Variants in TENM2 observed in about 807,000 individuals in gnomAD.
TENM2 encodes the protein teneurin transmembrane protein 2.
TENM2 carries 52 observed loss-of-function variants against 245.2 expected under a neutral mutation model. That is an observed-to-expected ratio of 0.21 (90% CI 0.17 to 0.27). The LOEUF (loss-of-function observed/expected upper bound fraction) is 0.27. Ranked by LOEUF, TENM2 falls within the 10% of genes least tolerant of loss-of-function variation. The probability of loss-of-function intolerance (pLI) is 1.00; values close to 1 mark genes in which losing one functional copy is unlikely to be tolerated. For synonymous variants in TENM2, 1,363 were observed against 1,438.9 expected (o/e 0.95, Z 1.19); for missense variants, 3,046 against 3,666.8 (o/e 0.83, Z 4.37).
intron 2 of TENM2, among the ~76,000 whole-genome samples, chr5:167,419,267 G>A: frequency 6.6e-6 from 1 of 152,054 alleles, no homozygotes; most frequent in East Asian, 1.9e-4. Flanking sequence ...TTCAAGACCA[G>A]CCTGGCCAAC....
chr5:168,160,583 C>T (rs573886753), intron 12 of TENM2, among the ~76,000 whole-genome samples: 4 of 152,330 alleles, frequency 2.6e-5, no homozygotes, highest in Non-Finnish European at 4.4e-5. Context: ...GTTGCATGCA[C>T]TCCTTGCTCA....
Position 167,587,893 on chromosome 5 carries a change from C to T in TENM2, c.502+212420C>T, listed in dbSNP as rs117203451. On this transcript the variant is annotated intron_variant, in intron 2 of 28. Transcript: ENST00000518659. Reference sequence around the variant, plus strand: ...ACTGGGAAATTCCTCTTTTTCCCCCCTTAGCCCGTGAGCCATGTGGTTTGC... The same window carrying T: ...ACTGGGAAATTCCTCTTTTTCCCCCTTTAGCCCGTGAGCCATGTGGTTTGC... Among the ~76,000 whole-genome samples the T allele has an allele frequency of 2.6e-4, 40 of 152,278 alleles. No individual in the cohort carries two copies. In the East Asian group the frequency reaches 7.7e-3, roughly 29 times the overall value.
chr5:167,766,192 C>G (rs529082935), intron 2 of TENM2, among the ~76,000 whole-genome samples: 1 of 152,202 alleles, frequency 6.6e-6, no homozygotes, highest in South Asian at 2.1e-4. Context: ...GAGGGTGAGG[C>G]AAAGATCACC....
At chr5:167,159,473 A>C in the TENM2 span, among the ~76,000 whole-genome samples, 1 of 152,170 alleles carries the variant, frequency 6.6e-6, no homozygotes, top group Non-Finnish European at 1.5e-5. Context: ...AGAGTGAATA[A>C]GTGTTTTCAC....
At chr5:167,624,852 A>C (rs1046900207) in intron 2 of TENM2, among the ~76,000 whole-genome samples, 1 of 152,192 alleles carries the variant, frequency 6.6e-6, no homozygotes, top group African/African-American at 2.4e-5. Flanking sequence ...TGTTTAGTAA[A>C]CACTTAGGTG....
At chr5:167,556,696 G>A (rs1164761163) in intron 2 of TENM2, among the ~76,000 whole-genome samples, 4 of 152,216 alleles carry the variant, frequency 2.6e-5, no homozygotes, top group Non-Finnish European at 5.9e-5. Context: ...GACCACCCTT[G>A]ATAAGTAGAA....
At position 167,929,061 on chromosome 5, in the gene TENM2, GAAAGAAA is replaced by G. The variant is rs1778015731; in HGVS notation, c.713-23526_713-23520del. Among the ~76,000 whole-genome samples, 3 of 6,270 alleles carry G rather than the reference GAAAGAAA, an allele frequency of 4.8e-4. No homozygotes were observed. The South Asian group carries it at 0.035, about 73-fold the overall frequency. 4.1% of individuals were successfully genotyped at this position (6,270 alleles called of 152,430 possible). ...AGAAAAGAAAAAAGAAAGAAAGAGA[GAAAGAAA>G]GAAAGAAAGAAAGAAAGAAAGAAAG... On this transcript the variant is annotated intron_variant, in intron 3 of 28. Coordinates refer to ENST00000518659, the Ensembl canonical transcript of TENM2.
chr5:167,778,485 T>C (rs1213994588), intron 2 of TENM2, among the ~76,000 whole-genome samples: 1 of 152,200 alleles, frequency 6.6e-6, no homozygotes, highest in African/African-American at 2.4e-5. Context: ...AACCTGTAAC[T>C]GGAGAGTAAC....
At chr5:167,591,814 A>G (rs1198594880) in intron 2 of TENM2, among the ~76,000 whole-genome samples, 1 of 152,230 alleles carries the variant, frequency 6.6e-6, no homozygotes, top group Non-Finnish European at 1.5e-5. Flanking sequence ...ATTCTCAATA[A>G]TCATTGACAA....
chr5:167,510,490 T>C (rs1769867341), intron 2 of TENM2, among the ~76,000 whole-genome samples: 1 of 152,074 alleles, frequency 6.6e-6, no homozygotes, highest in Non-Finnish European at 1.5e-5. Flanking sequence ...GGGAAATAAG[T>C]GTGGAGGATC....
intron 2 of TENM2, among the ~76,000 whole-genome samples, chr5:167,843,573 G>T (rs1241459164): frequency 6.6e-6 from 1 of 152,112 alleles, no homozygotes. Flanking sequence ...TGGTGGGGGA[G>T]GGGGTACAAA....
chr5:168,052,123 T>TGCAGTGGCCATTACAG (rs1369125773), intron 6 of TENM2, among the ~76,000 whole-genome samples: 1 of 151,184 alleles, frequency 6.6e-6, no homozygotes, highest in African/African-American at 2.4e-5. Flanking sequence ...ATAGGCCAGG[T>TGCAGTGGCCATTACAG]GCAGTGGCTC....
At chr5:167,807,596 A>G (rs1330416291) in intron 2 of TENM2, among the ~76,000 whole-genome samples, 1 of 148,962 alleles carries the variant, frequency 6.7e-6, no homozygotes, top group East Asian at 2.0e-4. Flanking sequence ...AAAATGAACT[A>G]AAAGTGACTT....
At chr5:167,684,219 C>T (rs550254536) in intron 2 of TENM2, among the ~76,000 whole-genome samples, 1 of 152,326 alleles carries the variant, frequency 6.6e-6, no homozygotes, top group Admixed American at 6.5e-5. Flanking sequence ...CTCAGCCTTG[C>T]CTACCCATCC....
intron 27 of TENM2, among the ~76,000 whole-genome samples, chr5:168,255,390 C>T (rs1767559228): frequency 6.6e-6 from 1 of 152,112 alleles, no homozygotes; most frequent in African/African-American, 2.4e-5. Context: ...CAACCTCCAC[C>T]TCCTGGTTTC....
chr5:167,450,843 A>C (rs1160738294), intron 2 of TENM2, among the ~76,000 whole-genome samples: 1 of 152,154 alleles, frequency 6.6e-6, no homozygotes, highest in South Asian at 2.1e-4. Flanking sequence ...GGTATGACTT[A>C]TTAGTCAAAA....
chr5:167,935,903 G>C (rs145099139), intron 3 of TENM2, among the ~76,000 whole-genome samples: 1 of 150,536 alleles, frequency 6.6e-6, no homozygotes, highest in Non-Finnish European at 1.5e-5. Context: ...TTTTTTTTTC[G>C]ATTTCCCCAG....
chr5:167,575,678 A>T (rs1774612862), intron 2 of TENM2, among the ~76,000 whole-genome samples: 1 of 152,164 alleles, frequency 6.6e-6, no homozygotes, highest in Admixed American at 6.5e-5. Flanking sequence ...AGCCCCTGAT[A>T]CAGGTTGGGG....
At chr5:168,156,844 T>A (rs1757231433) in intron 12 of TENM2, among the ~76,000 whole-genome samples, 1 of 152,216 alleles carries the variant, frequency 6.6e-6, no homozygotes, top group African/African-American at 2.4e-5. Context: ...TATTGAATAC[T>A]GGCAATCCAA....
Sources: allele counts gnomAD v4.1 joint callset (sites outside exome capture counted in the v4.1 genomes callset), GRCh38; gene constraint gnomAD v4.1.1; transcripts MANE v1.5; gene names NCBI Gene and HGNC (gene_info 2026-07-23, HGNC 2026-07-21).